C16orf87: variants seen among roughly 807,000 people sequenced by gnomAD.
C16orf87 encodes the protein UPF0547 protein C16orf87.
A neutral mutation model predicts 21.0 loss-of-function variants in C16orf87; 13 were observed. The ratio of observed to expected loss-of-function variants is 0.62; its 90% CI spans 0.40 to 0.98. The LOEUF (loss-of-function observed/expected upper bound fraction) is 0.98, where lower values mean the gene tolerates loss of function less well. Among genes scored for constraint, C16orf87 ranks in the 50% least tolerant of loss-of-function variants. The pLI, the probability that C16orf87 is intolerant of heterozygous loss-of-function variation, is 0.00. For missense variants in C16orf87, 113 were observed against 180.4 expected (o/e 0.63, Z 2.14); for synonymous variants, 49 against 60.2 (o/e 0.81, Z 0.86).
chr16:46,812,991 G>A (rs984494553), intron 2 of C16orf87, among the ~76,000 whole-genome samples: 1 of 152,066 alleles, frequency 6.6e-6, no homozygotes, highest in African/African-American at 2.4e-5. Context: ...CGCCTTTGCT[G>A]TGTGCCCTTC....
At chr16:46,815,530 T>C (rs1968215914) in intron 2 of C16orf87, among the ~76,000 whole-genome samples, 1 of 151,870 alleles carries the variant, frequency 6.6e-6, no homozygotes, top group Admixed American at 6.6e-5. Flanking sequence ...TATAAAGAAT[T>C]TACAAGTCAA....
In C16orf87 at chr16:46,806,146, T is replaced by G. The variant is rs565721623; in HGVS notation, c.347-3076A>C. ...ATAACTGATACACAAATTCCTGACT[T>G]TTAGGTAACTGTGTAATAAAAATCA... On this transcript the variant is annotated intron_variant, in intron 3 of 3. Coordinates refer to ENST00000285697, the MANE Select transcript of C16orf87 (RefSeq NM_001001436.4). Among the ~76,000 whole-genome samples the G allele has an allele frequency of 4.6e-5, 7 of 152,338 alleles. No individual in the cohort carries two copies. The South Asian group carries it at 1.4e-3, about 32-fold the overall frequency.
intron 2 of C16orf87, among the ~76,000 whole-genome samples, chr16:46,815,754 T>C (rs187477523): frequency 3.3e-4 from 50 of 151,936 alleles, no homozygotes; most frequent in Admixed American, 3.3e-4. Context: ...AAAAATAAAG[T>C]GTTGGTGAGG....
chr16:46,824,336 C>T (rs1162285407), intron 2 of C16orf87, 50 bp downstream of exon 2: 1 of 827,928 alleles, frequency 1.2e-6, no homozygotes, highest in Non-Finnish European at 2.0e-6. Flanking sequence ...CAAAAATTAA[C>T]TTTACATTTC....
chr16:46,803,643 TTTTG>T (rs1967840209), intron 3 of C16orf87, among the ~76,000 whole-genome samples: 1 of 152,194 alleles, frequency 6.6e-6, no homozygotes, highest in Non-Finnish European at 1.5e-5. Context: ...CTGATTCTAT[TTTTG>T]TTTATTTTGT....
chr16:46,817,666 T>TC (rs1968288990), intron 2 of C16orf87, among the ~76,000 whole-genome samples: 1 of 151,724 alleles, frequency 6.6e-6, no homozygotes, highest in Non-Finnish European at 1.5e-5. Context: ...CCAGCCTGGG[T>TC]GATGGAGCAA....
At chr16:46,816,608 C>T (rs1277666143) in intron 2 of C16orf87, among the ~76,000 whole-genome samples, 1 of 152,040 alleles carries the variant, frequency 6.6e-6, no homozygotes, top group African/African-American at 2.4e-5. Flanking sequence ...AGGAAAGATC[C>T]AAGAAACCTA....
chr16:46,823,330 G>A (rs1426713197), intron 2 of C16orf87, among the ~76,000 whole-genome samples: 1 of 152,198 alleles, frequency 6.6e-6, no homozygotes, highest in Admixed American at 6.5e-5. Context: ...TTGTGCCCAA[G>A]GCTTGGAATA....
intron 2 of C16orf87, among the ~76,000 whole-genome samples, chr16:46,817,285 C>T (rs1968277283): frequency 1.3e-5 from 2 of 152,126 alleles, no homozygotes; most frequent in Admixed American, 1.3e-4. Context: ...ATAGGAAATG[C>T]ACATTATGTC....
Position 46,831,072 on chromosome 16 carries a change from C to A in C16orf87, c.66+12G>T, listed in dbSNP as rs770238986. On this transcript the variant is annotated intron_variant, in intron 1 of 3. Transcript: ENST00000285697. ...CTGCCGCCCGCCCGCGCGCCCGGCC[C>A]CCGGCACCCACCTGTTGGTCGCACT... is the stretch of plus-strand genomic sequence containing the variant. The A allele has an allele frequency of 1.3e-6, 2 of 1,561,262 alleles. No individual in the cohort carries two copies. The highest frequency in any genetic ancestry group is 1.7e-6 in the Non-Finnish European group (2 of 1,151,854).
intron 2 of C16orf87, among the ~76,000 whole-genome samples, chr16:46,818,432 T>C (rs1959282366): frequency 6.6e-6 from 1 of 152,160 alleles, no homozygotes; most frequent in Non-Finnish European, 1.5e-5. Context: ...AGGGTTTTTT[T>C]CCCTTTTTTC....
At chr16:46,817,956 T>C (rs1478745559) in intron 2 of C16orf87, among the ~76,000 whole-genome samples, 1 of 139,112 alleles carries the variant, frequency 7.2e-6, no homozygotes, top group Non-Finnish European at 1.6e-5. Context: ...AAATCAACTA[T>C]ATAAAAGCCA....
chr16:46,803,308 T>C (rs1056933867), intron 3 of C16orf87, among the ~76,000 whole-genome samples: 1 of 152,200 alleles, frequency 6.6e-6, no homozygotes, highest in Admixed American at 6.5e-5. Flanking sequence ...AACAGCTACA[T>C]AATTTTTCTA....
intron 1 of C16orf87, among the ~76,000 whole-genome samples, chr16:46,826,035 A>T (rs1959606831): frequency 6.6e-6 from 1 of 152,186 alleles, no homozygotes; most frequent in Admixed American, 6.5e-5. Flanking sequence ...GACATAAAAA[A>T]AGAGAATGTA....
intron 2 of C16orf87, among the ~76,000 whole-genome samples, chr16:46,819,721 T>C (rs1304355354): frequency 1.3e-5 from 2 of 151,732 alleles, no homozygotes; most frequent in Non-Finnish European, 2.9e-5. Context: ...ATGCCTGTAA[T>C]CCTAGCACTC....
At chr16:46,809,996 T>G (rs547919971) in intron 2 of C16orf87, among the ~76,000 whole-genome samples, 1 of 152,062 alleles carries the variant, frequency 6.6e-6, no homozygotes, top group Admixed American at 6.6e-5. Context: ...ACACATGAAG[T>G]AGGAGGAATC....
At chr16:46,823,260 C>A (rs1366403908) in intron 2 of C16orf87, among the ~76,000 whole-genome samples, 1 of 152,142 alleles carries the variant, frequency 6.6e-6, no homozygotes, top group East Asian at 1.9e-4. Context: ...TATCTCCCAC[C>A]CACAAGAATA....
chr16:46,821,515 T>C (rs1227478416), intron 2 of C16orf87, among the ~76,000 whole-genome samples: 1 of 152,204 alleles, frequency 6.6e-6, no homozygotes, highest in Non-Finnish European at 1.5e-5. Flanking sequence ...CAATGTTTCA[T>C]CTTCACTTCA....
intron 1 of C16orf87, among the ~76,000 whole-genome samples, chr16:46,828,149 G>A (rs1959697161): frequency 1.3e-5 from 2 of 150,652 alleles, no homozygotes. Flanking sequence ...AGGATGGTCT[G>A]GAACTTCTGA....
Sources: gnomAD v4.1 joint callset for allele counts (sites outside exome capture counted in the v4.1 genomes callset) on GRCh38, gnomAD v4.1.1 for gene constraint, MANE v1.5 for transcripts, NCBI Gene and HGNC (gene_info 2026-07-23, HGNC 2026-07-21) for gene names.